KMT2B: variants seen among roughly 807,000 people sequenced by gnomAD.
KMT2B encodes lysine methyltransferase 2B.
Under a neutral mutation model 255.3 loss-of-function variants are expected in KMT2B, and 22 were observed. The observed-to-expected ratio is 0.09, with a 90% CI of 0.06 to 0.12. The LOEUF (loss-of-function observed/expected upper bound fraction) is 0.12, where lower values mean the gene tolerates loss of function less well. KMT2B is among the 10% of genes least tolerant of loss of function. The pLI is 1.00. For synonymous variants in KMT2B, 1,730 were observed against 1,498.1 expected, an observed-to-expected ratio of 1.15 and a Z score of -3.57; for missense variants, 3,149 against 3,737.0, an observed-to-expected ratio of 0.84 and a Z score of 4.10.
Position 35,721,721 on chromosome 19 carries a change from A to G in KMT2B, c.2374A>G (p.Met792Val). ...SLPLSGVEEK[M>V]FSLLKRAKVQ... Reference sequence around the variant, plus strand: ...GCCGCTGTCTGGGGTAGAGGAGAAGATGTTCAGCCTCCTCAAGAGAGCCAA... The same window carrying G: ...GCCGCTGTCTGGGGTAGAGGAGAAGGTGTTCAGCCTCCTCAAGAGAGCCAA... The change falls in exon 3 of 37, where the codon ATG becomes GTG. Residue 792 changes from methionine to valine, a missense_variant. Transcript: ENST00000420124. 1 of 1,610,760 alleles carries G rather than the reference A, an allele frequency of 6.2e-7. No individual in the cohort carries two copies. Among genetic ancestry groups the G allele is most frequent in the Non-Finnish European group, 8.5e-7 (1 of 1,178,474 alleles).
rs753841947 is a variant in KMT2B, at chr19:35,727,810, C to A, written c.4392+23C>A. 2.5e-6 allele frequency: 4 copies of A among 1,613,306 alleles called. No individual in the cohort carries two copies. In the African/African-American group the frequency reaches 5.3e-5, roughly 22 times the overall value. On this transcript the variant is annotated intron_variant, in intron 17 of 36. Coordinates refer to ENST00000420124, the MANE Select transcript of KMT2B (RefSeq NM_014727.3). This position sits in a 1 kb window ranked among gnomAD's most constrained non-coding sequence, Gnocchi z 4.2. ...GTGGTGAGTGGTACACCAGGAGGAG[C>A]AGGTGGGTGGCAGGAGGAGAGGGCT...
Position 35,720,942 on chromosome 19 carries a change from T to C in KMT2B, c.1595T>C (p.Val532Ala). The C allele has an allele frequency of 6.2e-7, 1 of 1,611,908 alleles. No individual in the cohort carries two copies. The highest frequency in any genetic ancestry group is 8.5e-7 in the Non-Finnish European group (1 of 1,179,252). ...KNIRQFIMPV[V>A]SARSSRVIKT... ...ATCCGGCAGTTTATTATGCCTGTGG[T>C]GAGTGCCCGCTCCTCCCGTGTCATC... The change falls in exon 3 of 37, where the codon GTG (valine) becomes GCG (alanine). Residue 532 changes from valine (V) to alanine (A), a missense_variant. Val to Ala is a moderately conservative substitution (Grantham distance 64, BLOSUM62 0). This residue lies in a region of KMT2B where 1,188 missense variants were observed against 1,106.4 expected (regional missense o/e 1.07). Coordinates refer to ENST00000420124, the MANE Select transcript of KMT2B (RefSeq NM_014727.3).
rs1599684161 is a variant in KMT2B, at chr19:35,727,398, C to T, written c.4118-40C>T. The stretch of plus-strand genomic sequence containing the variant: ...AGGGGCTGCTGGGAGCCCTCACATC[C>T]TCTGAAACCACTTTTCCCTTTCCCA... On this transcript the variant is annotated intron_variant, in intron 15 of 36. Transcript: ENST00000420124. This position sits in a 1 kb window ranked among gnomAD's most constrained non-coding sequence, Gnocchi z 4.2. The T allele has an allele frequency of 5.0e-6, 8 of 1,610,242 alleles. No homozygotes were observed. The East Asian group carries it at 1.3e-4, about 27-fold the overall frequency.
chr19:35,730,338 C>T lies in KMT2B; in HGVS notation c.5077-4C>T. ...CCACCTCACTTTGCCACCCCCTCTTCCAGGAAATTGTGAACCCCGATGGTT... is the reference window on the plus strand; with the variant it reads ...CCACCTCACTTTGCCACCCCCTCTTTCAGGAAATTGTGAACCCCGATGGTT... On this transcript the variant is annotated splice_region_variant and splice_polypyrimidine_tract_variant and intron_variant, in intron 23 of 36. Transcript: ENST00000420124. 5.6e-6 allele frequency: 9 copies of T among 1,610,346 alleles called. No homozygotes were observed. The highest frequency in any genetic ancestry group is 1.3e-5 in the African/African-American group (1 of 74,996).
chr19:35,732,956 T>G lies in KMT2B; in HGVS notation c.6407T>G (p.Leu2136Arg). ...GGTGCTGGCCCTAGAGAGGAGTCAC[T>G]CCCCCCGGCGCCTCCCCTGGCTAAT... ...DGGAGPREES[L>R]PPAPPLANGS... The change falls in exon 28 of 37, where the codon CTC (leucine) becomes CGC (arginine). Residue 2136 changes from leucine to arginine, a missense_variant. Around this residue, in one of 18 missense-constraint regions of KMT2B, gnomAD observed 897 missense variants for 825.3 expected, o/e 1.09. Coordinates refer to ENST00000420124, the MANE Select transcript of KMT2B (RefSeq NM_014727.3). 1.2e-6 allele frequency: 2 copies of G among 1,604,488 alleles called. No homozygotes were observed. Among genetic ancestry groups the G allele is most frequent in the South Asian group, 2.2e-5 (2 of 89,778 alleles).
chr19:35,724,257 T>C (rs1969338293), intron 8 of KMT2B, among the ~76,000 whole-genome samples: 1 of 152,172 alleles, frequency 6.6e-6, no homozygotes, highest in African/African-American at 2.4e-5. Context: ...CCCAGCACTT[T>C]TGGGAGGCCA....
chr19:35,721,132 A>G lies in KMT2B; in HGVS notation c.1785A>G (p.Pro595=), dbSNP rs770375335. ...RAPTPPSTPV[P]LPEKRRSILR... ...CAACTCCTCCATCTACCCCAGTTCC[A>G]CTCCCTGAGAAGAGACGGTCCATCC... is the stretch of plus-strand genomic sequence containing the variant. The change falls in exon 3 of 37, where the codon CCA becomes CCG. Residue 595 remains proline (P), a synonymous_variant. Transcript: ENST00000420124. 1.9e-6 allele frequency: 3 copies of G among 1,582,248 alleles called. No individual in the cohort carries two copies. Among genetic ancestry groups the G allele is most frequent in the Non-Finnish European group, 1.7e-6 (2 of 1,169,782 alleles).
At position 35,718,254 on chromosome 19, in the gene KMT2B, G is replaced by T. The variant is rs1020958708; in HGVS notation, c.236G>T (p.Arg79Leu). 8.3e-7 allele frequency: 1 copy of T among 1,203,734 alleles called. No individual in the cohort carries two copies. Among genetic ancestry groups the T allele is most frequent in the African/African-American group, 1.6e-5 (1 of 62,762 alleles). 74.6% of individuals were successfully genotyped at this position (1,203,734 alleles called of 1,614,324 possible). A position where few individuals can be genotyped will look rare whatever the true frequency, so the allele number is the denominator to read the frequency against. Residue 79 changes from arginine to leucine, a missense_variant, in exon 1 of 37, where the codon CGG becomes CTG. By Grantham distance (102) the Arg-to-Leu change is moderately radical. Around this residue, in one of 18 missense-constraint regions of KMT2B, gnomAD observed 1,188 missense variants for 1,106.4 expected, o/e 1.07. Transcript: ENST00000420124. This position sits in a 1 kb window ranked among gnomAD's most constrained non-coding sequence, Gnocchi z 5.0. ...CTGGGGCTCCGCCGGGGCCTGCGCC[G>T]GCTCCGCCGCCTGTGGGCCGGCCCG... is the stretch of plus-strand genomic sequence containing the variant. ...RLLGLRRGLR[R>L]LRRLWAGPRV...
intron 30 of KMT2B, among the ~76,000 whole-genome samples, chr19:35,734,507 G>A (rs183093468): frequency 6.6e-6 from 1 of 152,332 alleles, no homozygotes; most frequent in African/African-American, 2.4e-5. Context: ...TGGTGTGAGG[G>A]CCAAGACAGC....
At chr19:35,726,637 T>A (rs1255689131) in intron 14 of KMT2B, among the ~76,000 whole-genome samples, 3 of 152,130 alleles carry the variant, frequency 2.0e-5, no homozygotes, top group African/African-American at 4.8e-5. Context: ...TTTGGAAGCC[T>A]TATTCAGGCA....
rs752805215 is a variant in KMT2B, at chr19:35,730,356, C to T, written c.5091C>T (p.Pro1697=). ...CCCTCTTCCAGGAAATTGTGAACCC[C>T]GATGGTTTTGATGTTCTCCGCCGAG... is the stretch of plus-strand genomic sequence containing the variant. The part of the protein sequence containing the change: ...DLLDGKEIVN[P]DGFDVLRRVY... The change falls in exon 24 of 37, where the codon CCC becomes CCT. Residue 1697 remains proline (P), a synonymous_variant. Transcript: ENST00000420124. 65 of 1,612,246 alleles carry T rather than the reference C, an allele frequency of 4.0e-5. No homozygotes were observed. Among genetic ancestry groups the T allele is most frequent in the Middle Eastern group, 1.7e-4 (1 of 6,056 alleles).
chr19:35,725,750 C>T lies in KMT2B; in HGVS notation c.3817C>T (p.His1273Tyr). ...KHLLECERCR[H>Y]AYHPACLGPS... ...CCTCCTGGAGTGCGAGCGCTGCCGC[C>T]ATGCATACCACCCGGCCTGTCTGGG... Residue 1273 changes from histidine (H) to tyrosine (Y), a missense_variant, in exon 13 of 37, where the codon CAT becomes TAT. This residue lies in a region of KMT2B where 377 missense variants were observed against 471.0 expected (regional missense o/e 0.80). Coordinates refer to ENST00000420124, the MANE Select transcript of KMT2B (RefSeq NM_014727.3). The surrounding 1 kb of genome is among the most constrained non-coding windows in gnomAD (Gnocchi z 4.1). The T allele has an allele frequency of 6.2e-7, 1 of 1,605,994 alleles. No homozygotes were observed.
At position 35,733,662 on chromosome 19, in the gene KMT2B, A is replaced by C; in HGVS notation, c.7025A>C (p.Glu2342Ala). ...RGVLDLDRPG[E>A]PAGEESPGPL... ...GTCCTTGACCTGGATCGGCCTGGGG[A>C]GCCCGCTGGGGAAGAAAGTCCTGGG... The change falls in exon 29 of 37, where the codon GAG becomes GCG. Residue 2342 changes from glutamate (E) to alanine (A), a missense_variant. Glu to Ala is a moderately radical substitution (Grantham distance 107, BLOSUM62 -1). Transcript: ENST00000420124. The surrounding 1 kb of genome is among the most constrained non-coding windows in gnomAD (Gnocchi z 4.3). The C allele has an allele frequency of 6.2e-7, 1 of 1,600,332 alleles. No homozygotes were observed.
rs1377473903 is a variant in KMT2B, at chr19:35,718,505, C to A, written c.363+124C>A. ...TCAGGGTTCCTTCGGAGAGACGGGGCACGGAGGGAGGGCGGCTGCATGCAG... is the reference window on the plus strand; with the variant it reads ...TCAGGGTTCCTTCGGAGAGACGGGGAACGGAGGGAGGGCGGCTGCATGCAG... On this transcript the variant is annotated intron_variant, in intron 1 of 36. Coordinates refer to ENST00000420124, the MANE Select transcript of KMT2B (RefSeq NM_014727.3). This position sits in a 1 kb window ranked among gnomAD's most constrained non-coding sequence, Gnocchi z 5.0. 9.1e-7 allele frequency: 1 copy of A among 1,103,948 alleles called. No homozygotes were observed. The highest frequency in any genetic ancestry group is 1.1e-6 in the Non-Finnish European group (1 of 879,480). 68.4% of individuals were successfully genotyped at this position (1,103,948 alleles called of 1,614,324 possible). A position where few individuals can be genotyped will look rare whatever the true frequency, so the allele number is the denominator to read the frequency against.
chr19:35,734,406 C>T (rs750304785), intron 30 of KMT2B, among the ~76,000 whole-genome samples: 5 of 152,104 alleles, frequency 3.3e-5, no homozygotes, highest in Non-Finnish European at 7.4e-5. Flanking sequence ...GAATTGAGAC[C>T]ATGGTTGAAG....
rs1338016088 is a variant in KMT2B at position 35,727,704 on chromosome 19, C to T, written c.4309C>T (p.Pro1437Ser). The change falls in exon 17 of 37, where the codon CCA becomes TCA. Residue 1437 changes from proline to serine, a missense_variant. Around this residue, in one of 18 missense-constraint regions of KMT2B, gnomAD observed 377 missense variants for 471.0 expected, o/e 0.80. Transcript: ENST00000420124. The surrounding 1 kb of genome is among the most constrained non-coding windows in gnomAD (Gnocchi z 4.2). ...GPLLLCTQCG[P>S]DGKQLHPGPC... Reference sequence around the variant, plus strand: ...TAACTTCCCCGCTTTGCAGTGTGGGCCAGATGGGAAGCAACTGCACCCAGG... The same window carrying T: ...TAACTTCCCCGCTTTGCAGTGTGGGTCAGATGGGAAGCAACTGCACCCAGG... The T allele has an allele frequency of 6.2e-7, 1 of 1,613,688 alleles. No individual in the cohort carries two copies. Among genetic ancestry groups the T allele is most frequent in the Non-Finnish European group, 8.5e-7 (1 of 1,179,876 alleles).
chr19:35,728,299 G>T, intron 19 of KMT2B, 128 bp downstream of exon 19: 2 of 782,288 alleles, frequency 2.6e-6, no homozygotes, highest in Non-Finnish European at 4.2e-6. Context: ...GAGGAGGGTG[G>T]TGGAACCCAG....
In KMT2B at chr19:35,720,198, A is replaced by G. The variant is rs767839540; in HGVS notation, c.851A>G (p.Gln284Arg). Residue 284 changes from glutamine (Q) to arginine (R), a missense_variant, in exon 3 of 37, where the codon CAG becomes CGG. Physicochemically the swap from Gln to Arg is conservative, Grantham distance 43. This residue lies in a region of KMT2B where 1,188 missense variants were observed against 1,106.4 expected (regional missense o/e 1.07). Transcript: ENST00000420124. ...PGPGTPRRGGQSSRGGRGGRG... is the reference protein window; with the variant it reads ...PGPGTPRRGGRSSRGGRGGRG... ...CCTGGGACCCCCAGGCGTGGAGGAC[A>G]GTCAAGCCGTGGAGGCCGTGGAGGC... 5.0e-5 allele frequency: 81 copies of G among 1,608,410 alleles called. No homozygotes were observed. Among genetic ancestry groups the G allele is most frequent in the Non-Finnish European group, 6.2e-5 (73 of 1,177,748 alleles).
Position 35,733,188 on chromosome 19 carries a change from C to T in KMT2B, c.6639C>T (p.Pro2213=). The T allele has an allele frequency of 1.3e-6, 2 of 1,544,648 alleles. No homozygotes were observed. The highest frequency in any genetic ancestry group is 1.8e-6 in the Non-Finnish European group (2 of 1,137,880). The change falls in exon 28 of 37, where the codon CCC becomes CCT. Residue 2213 remains proline (P), a synonymous_variant. Coordinates refer to ENST00000420124, the MANE Select transcript of KMT2B (RefSeq NM_014727.3). This position sits in a 1 kb window ranked among gnomAD's most constrained non-coding sequence, Gnocchi z 4.3. ...CTGGGGAGGGTGAACCTGTCCCACC[C>T]CCAGTGAAGCAGCCACCTTTGCCCC... The part of the protein sequence containing the change: ...KMAGEGEPVP[P]PVKQPPLPPT...
Sources: allele counts gnomAD v4.1 joint callset (sites outside exome capture counted in the v4.1 genomes callset), GRCh38; gene constraint gnomAD v4.1.1; regional missense constraint gnomAD v4.1.1; non-coding constraint Gnocchi (gnomAD v3.1); transcripts MANE v1.5; gene names NCBI Gene and HGNC (gene_info 2026-07-23, HGNC 2026-07-21).